The following FCRL1 variants were observed in gnomAD, a reference collection of about 807,000 sequenced individuals.
FCRL1 encodes the protein Fc receptor-like protein 1.
Under a neutral mutation model 49.2 loss-of-function variants are expected in FCRL1, and 34 were observed. The observed-to-expected ratio is 0.69, with a 90% CI of 0.53 to 0.92. FCRL1 has a LOEUF of 0.92. Among genes scored for constraint, FCRL1 ranks in the 40% least tolerant of loss-of-function variants. The pLI is 0.00. For missense variants in FCRL1, 524 were observed against 524.1 expected (o/e 1.00, Z 0.00); for synonymous variants, 218 against 201.6 (o/e 1.08, Z -0.69).
rs547272588 is a variant in FCRL1 at position 157,794,631 on chromosome 1, T to C, written c.*1468A>G. The C allele has an allele frequency of 6.6e-5, 10 of 152,340 alleles. No individual in the cohort carries two copies. The highest frequency in any genetic ancestry group is 1.3e-4 in the Non-Finnish European group (9 of 68,032). 9.4% of individuals were successfully genotyped at this position (152,340 alleles called of 1,614,324 possible). ...ATCCAGCAGGAGTGCCATAATATGC[T>C]AGTACAAAGACATTTGTTTGAACTT... On this transcript the variant is annotated 3_prime_UTR_variant, in exon 11 of 11. Coordinates refer to ENST00000368176, the MANE Select transcript of FCRL1 (RefSeq NM_052938.5).
At chr1:157,811,020 A>G (rs1654246522) in intron 1 of FCRL1, among the ~76,000 whole-genome samples, 2 of 152,118 alleles carry the variant, frequency 1.3e-5, no homozygotes, top group Non-Finnish European at 1.5e-5. Context: ...ATGTCAAGCG[A>G]TCCTCCCGCC....
intron 9 of FCRL1, 79 bp downstream of exon 9, chr1:157,797,789 G>A: frequency 6.2e-7 from 1 of 1,611,118 alleles, no homozygotes; most frequent in Non-Finnish European, 8.5e-7. Flanking sequence ...GCTGTTGTCT[G>A]CCATGCACAG....
chr1:157,803,961 G>A lies in FCRL1; in HGVS notation c.203C>T (p.Ser68Phe). 6.2e-7 allele frequency: 1 copy of A among 1,614,196 alleles called. No individual in the cohort carries two copies. The highest frequency in any genetic ancestry group is 8.5e-7 in the Non-Finnish European group (1 of 1,180,048). Residue 68 changes from serine (S) to phenylalanine (F), a missense_variant, in exon 3 of 11, where the codon TCC becomes TTC. Physicochemically the swap from Ser to Phe is radical, Grantham distance 155. Coordinates refer to ENST00000368176, the MANE Select transcript of FCRL1 (RefSeq NM_052938.5). Reference sequence around the variant, plus strand: ...CATGGCAGCGATCTGGAGCTTGGGGGAGCTGCTCCAGCCTGGGCCCAAGGC... The same window carrying A: ...CATGGCAGCGATCTGGAGCTTGGGGAAGCTGCTCCAGCCTGGGCCCAAGGC... ...TRALGPGWSS[S>F]PKLQIAAMWK...
At chr1:157,803,099 T>C (rs1372176691) in intron 3 of FCRL1, among the ~76,000 whole-genome samples, 1 of 152,248 alleles carries the variant, frequency 6.6e-6, no homozygotes, top group Non-Finnish European at 1.5e-5. Flanking sequence ...GAGCTGGTAA[T>C]GATAGTTATC....
At chr1:157,807,286 C>T (rs551697131) in intron 1 of FCRL1, among the ~76,000 whole-genome samples, 164 bp from the exon 2 acceptor site, 9 of 152,116 alleles carry the variant, frequency 5.9e-5, no homozygotes, top group African/African-American at 2.2e-4. Flanking sequence ...TCTCCCCTTC[C>T]TTCTTTCATC....
chr1:157,813,630 G>A (rs1017652766), intron 1 of FCRL1, among the ~76,000 whole-genome samples: 4 of 152,032 alleles, frequency 2.6e-5, no homozygotes, highest in African/African-American at 7.2e-5. Context: ...TATTATTAGA[G>A]TACTAGCAGA....
intron 1 of FCRL1, among the ~76,000 whole-genome samples, chr1:157,817,816 A>G (rs1220078793): frequency 6.6e-6 from 1 of 152,144 alleles, no homozygotes; most frequent in Non-Finnish European, 1.5e-5. Flanking sequence ...AAGAAACTCA[A>G]ACAACTCAAT....
chr1:157,811,229 A>C (rs1369478449), intron 1 of FCRL1, among the ~76,000 whole-genome samples: 1 of 152,212 alleles, frequency 6.6e-6, no homozygotes, highest in Admixed American at 6.5e-5. Flanking sequence ...CGCCTAAAAA[A>C]AGACTGAAAC....
At position 157,812,916 on chromosome 1, in the gene FCRL1, G is replaced by A. The variant is rs77915436; in HGVS notation, c.32-5794C>T. 3.8e-3 allele frequency among the ~76,000 whole-genome samples: 577 copies of A among 152,254 alleles called. 2 individuals are homozygous for A. Among genetic ancestry groups the A allele is most frequent in the African/African-American group, 0.013 (531 of 41,550 alleles). On this transcript the variant is annotated intron_variant, in intron 1 of 10. Transcript: ENST00000368176. Reference sequence around the variant, plus strand: ...AAAGCTCTTGCCACTGAGAACTGTAGCAATCTATCTTGCCACCACCACCCT... The same window carrying A: ...AAAGCTCTTGCCACTGAGAACTGTAACAATCTATCTTGCCACCACCACCCT...
intron 1 of FCRL1, among the ~76,000 whole-genome samples, chr1:157,816,673 A>G (rs1655061662): frequency 6.6e-6 from 1 of 151,822 alleles, no homozygotes; most frequent in African/African-American, 2.4e-5. Flanking sequence ...AGATGACAAA[A>G]TCTTATATAT....
At chr1:157,802,817 G>T (rs1652759605) in intron 3 of FCRL1, among the ~76,000 whole-genome samples, 153 bp from the exon 4 acceptor site, 1 of 152,124 alleles carries the variant, frequency 6.6e-6, no homozygotes, top group Non-Finnish European at 1.5e-5. Context: ...TCTGCTGATT[G>T]GTTGGGTGAT....
chr1:157,807,209 C>G (rs1446270434), intron 1 of FCRL1, 87 bp from the exon 2 acceptor site: 17 of 1,393,448 alleles, frequency 1.2e-5, no homozygotes, highest in Non-Finnish European at 1.7e-5. Context: ...TTCCCCAACA[C>G]CACACCCTCC....
intron 6 of FCRL1, among the ~76,000 whole-genome samples, chr1:157,800,579 G>A (rs1652279135): frequency 6.6e-6 from 1 of 152,160 alleles, no homozygotes; most frequent in Admixed American, 6.5e-5. Context: ...AAATAAATAT[G>A]TAATTACCAG....
At chr1:157,808,875 A>G (rs2101877956) in intron 1 of FCRL1, among the ~76,000 whole-genome samples, 1 of 142,614 alleles carries the variant, frequency 7.0e-6, no homozygotes, top group Middle Eastern at 3.5e-3. Context: ...AAGGAGAGAG[A>G]GGGGAATTAA....
At position 157,802,469 on chromosome 1, in the gene FCRL1, G is replaced by A; in HGVS notation, c.515C>T (p.Ser172Leu). ...RSLTAEYEIP[S>L]VRESDAEQYY... The stretch of plus-strand genomic sequence containing the variant: ...TTGCTCAGCATCACTCTCCCTCACT[G>A]AAGGAATCTCATACTCTGCTGTCAG... Residue 172 changes from serine to leucine, a missense_variant, in exon 4 of 11, where the codon TCA becomes TTA. By Grantham distance (145) the Ser-to-Leu change is moderately radical. Coordinates refer to ENST00000368176, the MANE Select transcript of FCRL1 (RefSeq NM_052938.5). 6.2e-7 allele frequency: 1 copy of A among 1,614,186 alleles called. No individual in the cohort carries two copies.
intron 2 of FCRL1, among the ~76,000 whole-genome samples, chr1:157,806,047 T>G (rs1356628395): frequency 6.6e-6 from 1 of 152,234 alleles, no homozygotes; most frequent in Non-Finnish European, 1.5e-5. Context: ...AATTCTTAGA[T>G]AGCAGAGACT....
rs146009061 is a variant in FCRL1, at chr1:157,808,018, G to A, written c.32-896C>T. On this transcript the variant is annotated intron_variant, in intron 1 of 10. Transcript: ENST00000368176. ...TTTATTTTAGCCAAGCTTGGTTTGA[G>A]ATACTTACTTTTTCTTAGGTTAAAT... Among the ~76,000 whole-genome samples the A allele has an allele frequency of 6.9e-3, 1,053 of 152,288 alleles. 16 individuals are homozygous for A. Among genetic ancestry groups the A allele is most frequent in the African/African-American group, 0.024 (1,001 of 41,556 alleles).
chr1:157,797,180 C>T, intron 9 of FCRL1, 48 bp from the exon 10 acceptor site: 1 of 1,573,050 alleles, frequency 6.4e-7, no homozygotes. Flanking sequence ...TATTTAAAGT[C>T]CTTCACTAAA....
At chr1:157,797,656 C>A in intron 9 of FCRL1, 1 of 1,276,374 alleles carries the variant, frequency 7.8e-7, no homozygotes, top group Non-Finnish European at 1.1e-6. Context: ...AATTTGACAG[C>A]CCATCCCCAG....
Sources: allele counts gnomAD v4.1 joint callset (sites outside exome capture counted in the v4.1 genomes callset), GRCh38; gene constraint gnomAD v4.1.1; transcripts MANE v1.5; gene names NCBI Gene and HGNC (gene_info 2026-07-23, HGNC 2026-07-21).